Variants in PSMG2 observed in about 807,000 individuals in gnomAD.
The protein encoded by PSMG2 is proteasome assembly chaperone 2.
PSMG2 carries 21 observed loss-of-function variants against 31.5 expected under a neutral mutation model. That is an observed-to-expected ratio of 0.67 (90% confidence interval 0.47 to 0.96). The LOEUF is 0.96. Ranked by LOEUF, PSMG2 falls within the 40% of genes least tolerant of loss-of-function variation. The probability of loss-of-function intolerance (pLI) is 0.00; values close to 1 mark genes in which losing one functional copy is unlikely to be tolerated. For synonymous variants in PSMG2, 120 were observed against 110.4 expected, an observed-to-expected ratio of 1.09 and a Z score of -0.54; for missense variants, 318 against 321.2, an observed-to-expected ratio of 0.99 and a Z score of 0.08.
In PSMG2 at chr18:12,673,751, G is replaced by C. The variant is rs376355586; in HGVS notation, c.-37+14978G>C. Among the ~76,000 whole-genome samples, 27 of 152,128 alleles carry C rather than the reference G, an allele frequency of 1.8e-4. No homozygotes were observed. In the East Asian group the frequency reaches 2.5e-3, roughly 14 times the overall value. On this transcript the variant is annotated intron_variant, in intron 1 of 6. Coordinates refer to the PSMG2 transcript ENST00000585331. ...CAAAAATTAGCCGCGTGTGGTGGCG[G>C]GCGTCTGTAATCCCAGCTACTTGGG...
intron 1 of PSMG2, among the ~76,000 whole-genome samples, chr18:12,680,439 T>TA (rs2039304717): frequency 6.6e-6 from 1 of 151,128 alleles, no homozygotes; most frequent in African/African-American, 2.4e-5. Flanking sequence ...CTACTAAAAA[T>TA]ACAAAAATCA....
intron 4 of PSMG2, among the ~76,000 whole-genome samples, chr18:12,719,225 C>T (rs1324791631): frequency 1.3e-5 from 2 of 151,852 alleles, no homozygotes; most frequent in African/African-American, 2.4e-5. Flanking sequence ...TGCAACCATT[C>T]GTATTTGCAG....
At chr18:12,711,957 C>T (rs561843778) in intron 2 of PSMG2, among the ~76,000 whole-genome samples, 5 of 152,062 alleles carry the variant, frequency 3.3e-5, no homozygotes, top group South Asian at 2.1e-4. Flanking sequence ...GTTTCATTCA[C>T]CATGTTAGCT....
intron 1 of PSMG2, among the ~76,000 whole-genome samples, chr18:12,690,644 A>G (rs1054578318): frequency 6.6e-6 from 1 of 152,050 alleles, no homozygotes; most frequent in Non-Finnish European, 1.5e-5. Context: ...TTTAGTAGAA[A>G]CGGGGTTTCA....
At chr18:12,673,819 T>C (rs542820071) in intron 1 of PSMG2, among the ~76,000 whole-genome samples, 1 of 152,228 alleles carries the variant, frequency 6.6e-6, no homozygotes, top group Non-Finnish European at 1.5e-5. Flanking sequence ...AGGCAGAGGT[T>C]GCAGTGAGCC....
intron 1 of PSMG2, among the ~76,000 whole-genome samples, chr18:12,669,866 G>A (rs972819408): frequency 3.3e-5 from 5 of 151,792 alleles, no homozygotes; most frequent in East Asian, 3.9e-4. Context: ...GTGTGGTGGC[G>A]CATGCCTGTA....
chr18:12,667,869 T>A (rs1166473138), intron 1 of PSMG2, among the ~76,000 whole-genome samples: 37 of 115,990 alleles, frequency 3.2e-4, no homozygotes, highest in East Asian at 2.0e-3. Flanking sequence ...TTTTTTTTTT[T>A]AAATAGAACA....
At chr18:12,671,401 T>C (rs925302692) in intron 1 of PSMG2, among the ~76,000 whole-genome samples, 1 of 151,862 alleles carries the variant, frequency 6.6e-6, no homozygotes, top group Non-Finnish European at 1.5e-5. Context: ...AGCAACTAAA[T>C]TAAGAACTAC....
upstream of PSMG2, among the ~76,000 whole-genome samples, chr18:12,698,601 A>G (rs2040043113): frequency 6.6e-6 from 1 of 152,190 alleles, no homozygotes; most frequent in Admixed American, 6.6e-5. Context: ...TGCTCAGCCT[A>G]AACTTCGACT....
At chr18:12,702,722 A>T, upstream of PSMG2, 1 of 678,240 alleles carries the variant, frequency 1.5e-6, no homozygotes, top group Non-Finnish European at 2.4e-6. Context: ...TGACCTGGAA[A>T]TGAGGCCCCG....
upstream of PSMG2, among the ~76,000 whole-genome samples, chr18:12,698,358 AGGG>A (rs2040034918): frequency 1.3e-5 from 2 of 152,142 alleles, no homozygotes; most frequent in African/African-American, 2.4e-5. Flanking sequence ...TAGTAGAGAC[AGGG>A]TTTCGACATG....
At position 12,725,636 on chromosome 18, in the gene PSMG2, T is replaced by C. The variant is rs138774345; in HGVS notation, c.*105T>C. 149 of 705,176 alleles carry C rather than the reference T, an allele frequency of 2.1e-4. No individual in the cohort carries two copies. In the East Asian group the frequency reaches 4.4e-3, roughly 21 times the overall value. 43.7% of individuals were successfully genotyped at this position (705,176 alleles called of 1,614,324 possible). On this transcript the variant is annotated 3_prime_UTR_variant, in exon 7 of 7. Coordinates refer to ENST00000317615, the MANE Select transcript of PSMG2 (RefSeq NM_020232.5). ...ATGATCTGGTATTAGGAAATTACTT[T>C]CACAGTAAATATCAAAGAAAAAAGA...
At chr18:12,699,122 T>C (rs748053396), upstream of PSMG2, 5 of 1,614,118 alleles carry the variant, frequency 3.1e-6, no homozygotes, top group Admixed American at 8.3e-5. Context: ...AGGTAAAGGC[T>C]CAGGTTCTTG....
At chr18:12,685,275 C>G (rs1053777948) in intron 1 of PSMG2, 1 of 152,288 alleles carries the variant, frequency 6.6e-6, no homozygotes, top group Non-Finnish European at 1.5e-5. Context: ...GCTGGGATTA[C>G]AGGCATGAGC....
intron 1 of PSMG2, among the ~76,000 whole-genome samples, chr18:12,705,702 G>A (rs964935498): frequency 2.0e-5 from 3 of 151,860 alleles, no homozygotes; most frequent in Admixed American, 1.3e-4. Context: ...TTCATACCTC[G>A]AAGCCTTTAC....
intron 1 of PSMG2, chr18:12,674,809 A>ATTT (rs1472249483): frequency 9.1e-7 from 1 of 1,103,800 alleles, no homozygotes; most frequent in Non-Finnish European, 1.3e-6. Flanking sequence ...TTTTAAAACC[A>ATTT]ACTAAATAAA....
At chr18:12,683,508 T>C (rs956253088) in intron 1 of PSMG2, among the ~76,000 whole-genome samples, 3 of 151,966 alleles carry the variant, frequency 2.0e-5, no homozygotes, top group Non-Finnish European at 4.4e-5. Context: ...ATCAGCACTT[T>C]AGGAGGCAGA....
At chr18:12,674,415 A>G (rs937437267) in intron 1 of PSMG2, 1 of 692,752 alleles carries the variant, frequency 1.4e-6, no homozygotes, top group East Asian at 2.7e-5. Flanking sequence ...GTACTCCAGC[A>G]TGGGCAGCAG....
intron 5 of PSMG2, among the ~76,000 whole-genome samples, chr18:12,721,456 C>T (rs1421140583): frequency 1.3e-5 from 2 of 152,152 alleles, no homozygotes; most frequent in Non-Finnish European, 2.9e-5. Flanking sequence ...CATTAATTCA[C>T]AGCATCTGCA....
Sources: gnomAD v4.1 joint callset for allele counts (sites outside exome capture counted in the v4.1 genomes callset) on GRCh38, gnomAD v4.1.1 for gene constraint, MANE v1.5 for transcripts, NCBI Gene and HGNC (gene_info 2026-07-23, HGNC 2026-07-21) for gene names.